The following NOS1AP variants were observed in gnomAD, a reference collection of about 807,000 sequenced individuals.
The protein encoded by NOS1AP is nitric oxide synthase 1 adaptor protein, also known as carboxyl-terminal PDZ ligand of neuronal nitric oxide synthase protein.
NOS1AP carries 21 observed loss-of-function variants against 56.2 expected under a neutral mutation model. That is an observed-to-expected ratio of 0.37 (90% CI 0.26 to 0.54). The LOEUF is 0.54. NOS1AP is among the 20% of genes least tolerant of loss of function. NOS1AP has a pLI of 0.84. For synonymous variants in NOS1AP, 270 were observed against 274.6 expected, an observed-to-expected ratio of 0.98 and a Z score of 0.17; for missense variants, 522 against 657.8, an observed-to-expected ratio of 0.79 and a Z score of 2.26.
At chr1:162,310,555 G>A (rs998793304) in intron 4 of NOS1AP, among the ~76,000 whole-genome samples, 40 of 152,104 alleles carry the variant, frequency 2.6e-4, no homozygotes, top group African/African-American at 8.7e-4. Context: ...TATTTCCTCC[G>A]GCTTCAAAAC....
At chr1:162,131,852 C>T (rs1276764863) in intron 1 of NOS1AP, among the ~76,000 whole-genome samples, 1 of 152,054 alleles carries the variant, frequency 6.6e-6, no homozygotes, top group Non-Finnish European at 1.5e-5. Flanking sequence ...TGGCATTATT[C>T]CCTGTACTGC....
At chr1:162,254,619 A>G (rs1409944550) in intron 2 of NOS1AP, among the ~76,000 whole-genome samples, 1 of 152,240 alleles carries the variant, frequency 6.6e-6, no homozygotes, top group Non-Finnish European at 1.5e-5. Context: ...TACAGTAGCT[A>G]GCGTGTCACA....
intron 6 of NOS1AP, among the ~76,000 whole-genome samples, chr1:162,352,774 A>C (rs1657560292): frequency 6.6e-6 from 1 of 152,042 alleles, no homozygotes; most frequent in Admixed American, 6.6e-5. Flanking sequence ...ATTACCTCCC[A>C]AAAGCTCATC....
At chr1:162,146,921 G>A (rs535194870) in intron 1 of NOS1AP, among the ~76,000 whole-genome samples, 82 of 152,268 alleles carry the variant, frequency 5.4e-4, no homozygotes, top group Non-Finnish European at 8.5e-4. Flanking sequence ...TCTATGCAGA[G>A]CTATTTTTTC....
chr1:162,177,860 G>A (rs890969280), intron 2 of NOS1AP, among the ~76,000 whole-genome samples: 31 of 152,104 alleles, frequency 2.0e-4, no homozygotes, highest in African/African-American at 7.5e-4. Context: ...ATCACTCAGA[G>A]TTCATAATTG....
chr1:162,131,367 T>G (rs78559706), intron 1 of NOS1AP, among the ~76,000 whole-genome samples: 2,655 of 151,618 alleles, frequency 0.018, 43 homozygotes, highest in East Asian at 0.066. Flanking sequence ...GACCCTAATA[T>G]CTCTATGCTC....
At chr1:162,253,990 A>C (rs1653946685) in intron 2 of NOS1AP, among the ~76,000 whole-genome samples, 1 of 152,194 alleles carries the variant, frequency 6.6e-6, no homozygotes, top group South Asian at 2.1e-4. Flanking sequence ...TAAAGGGAAG[A>C]TAGGATTCCT....
chr1:162,343,707 C>A, intron 5 of NOS1AP, 128 bp from the exon 6 acceptor site: 1 of 1,011,192 alleles, frequency 9.9e-7, no homozygotes, highest in Non-Finnish European at 1.6e-6. Flanking sequence ...TCTTTGCACT[C>A]ATTTGTATGT....
At chr1:162,243,705 TA>T (rs1168853307) in intron 2 of NOS1AP, among the ~76,000 whole-genome samples, 1 of 151,982 alleles carries the variant, frequency 6.6e-6, no homozygotes, top group Non-Finnish European at 1.5e-5. Flanking sequence ...CTTCCTTAAT[TA>T]ATGTTTCTAA....
At chr1:162,088,009 T>G (rs989521941) in intron 1 of NOS1AP, among the ~76,000 whole-genome samples, 2 of 152,158 alleles carry the variant, frequency 1.3e-5, no homozygotes, top group South Asian at 4.1e-4. Flanking sequence ...AGTCATTAAT[T>G]TTACCCTATT....
chr1:162,312,968 A>G (rs1487344930), intron 4 of NOS1AP, among the ~76,000 whole-genome samples: 3 of 151,822 alleles, frequency 2.0e-5, no homozygotes, highest in Non-Finnish European at 2.9e-5. Context: ...TTAGGTATTG[A>G]TGGGACGTAT....
intron 1 of NOS1AP, among the ~76,000 whole-genome samples, chr1:162,115,406 T>C (rs1055918113): frequency 2.0e-5 from 3 of 152,168 alleles, no homozygotes; most frequent in African/African-American, 7.2e-5. Context: ...TGTTTTTTTT[T>C]TTTTAAAGAA....
At chr1:162,352,133 G>C (rs545921789) in intron 6 of NOS1AP, among the ~76,000 whole-genome samples, 5 of 151,724 alleles carry the variant, frequency 3.3e-5, no homozygotes, top group Admixed American at 6.6e-5. Flanking sequence ...GATCTCAGCT[G>C]ACTGCAACCT....
chr1:162,100,950 A>G (rs1647237142), intron 1 of NOS1AP, among the ~76,000 whole-genome samples: 1 of 152,134 alleles, frequency 6.6e-6, no homozygotes, highest in Non-Finnish European at 1.5e-5. Context: ...ATTAGATCCC[A>G]TTTGTCAAGT....
At chr1:162,362,099 C>T (rs1353133416) in intron 8 of NOS1AP, among the ~76,000 whole-genome samples, 1 of 152,166 alleles carries the variant, frequency 6.6e-6, no homozygotes, top group African/African-American at 2.4e-5. Flanking sequence ...CACTCCAGCT[C>T]CTGGTCTGGT....
chr1:162,118,640 A>C (rs1648070983), intron 1 of NOS1AP, among the ~76,000 whole-genome samples: 1 of 152,100 alleles, frequency 6.6e-6, no homozygotes, highest in Non-Finnish European at 1.5e-5. Flanking sequence ...CAAACCAAAA[A>C]CACTCCAGCT....
intron 2 of NOS1AP, among the ~76,000 whole-genome samples, chr1:162,236,631 T>G (rs1653300116): frequency 7.2e-6 from 1 of 139,230 alleles, no homozygotes; most frequent in Admixed American, 7.4e-5. Context: ...TTTTGCTTTC[T>G]TGAACACTCC....
chr1:162,261,122 T>C (rs1654198495), intron 2 of NOS1AP, among the ~76,000 whole-genome samples: 1 of 138,912 alleles, frequency 7.2e-6, no homozygotes, highest in South Asian at 2.4e-4. Flanking sequence ...TTTGGAGATA[T>C]ATATGTTCAG....
chr1:162,201,703 A>T (rs1342327708), intron 2 of NOS1AP, among the ~76,000 whole-genome samples: 4 of 152,120 alleles, frequency 2.6e-5, no homozygotes, highest in African/African-American at 9.7e-5. Flanking sequence ...GGTCAGTGAT[A>T]TTGAGCTTTT....
Sources: gnomAD v4.1 joint callset for allele counts (sites outside exome capture counted in the v4.1 genomes callset) on GRCh38, gnomAD v4.1.1 for gene constraint, MANE v1.5 for transcripts, NCBI Gene and HGNC (gene_info 2026-07-23, HGNC 2026-07-21) for gene names.